TCERG1L: variants seen among roughly 807,000 people sequenced by gnomAD.
The protein encoded by TCERG1L is transcription elongation regulator 1 like.
A neutral mutation model predicts 56.3 loss-of-function variants in TCERG1L; 37 were observed. The observed-to-expected ratio is 0.66, with a 90% CI of 0.51 to 0.87. The LOEUF (loss-of-function observed/expected upper bound fraction) is 0.87. TCERG1L is among the 40% of genes least tolerant of loss of function. The probability of loss-of-function intolerance (pLI) is 0.00; values close to 1 mark genes in which losing one functional copy is unlikely to be tolerated. For missense variants in TCERG1L, 799 were observed against 774.2 expected (o/e 1.03, Z -0.38); for synonymous variants, 324 against 326.3 (o/e 0.99, Z 0.08).
intron 4 of TCERG1L, among the ~76,000 whole-genome samples, chr10:131,253,970 G>GC (rs1846141165): frequency 7.0e-6 from 1 of 143,424 alleles, no homozygotes; most frequent in Non-Finnish European, 1.6e-5. Flanking sequence ...AAAAGCAAAC[G>GC]CAACAGTGAG....
Position 131,229,281 on chromosome 10 carries a change from G to A in TCERG1L, c.856+30978C>T, listed in dbSNP as rs554249063. Reference sequence around the variant, plus strand: ...AGCCCAGGCCATTCTCCTCCGCATCGAACTGTCCAACATCAAAGCCCTTGG... The same window carrying A: ...AGCCCAGGCCATTCTCCTCCGCATCAAACTGTCCAACATCAAAGCCCTTGG... On this transcript the variant is annotated intron_variant, in intron 4 of 11. Transcript: ENST00000368642. Among the ~76,000 whole-genome samples the A allele has an allele frequency of 1.1e-4, 16 of 152,332 alleles. No individual in the cohort carries two copies. The South Asian group carries it at 2.1e-3, about 20-fold the overall frequency.
chr10:131,232,438 G>A (rs1407153756), intron 4 of TCERG1L, among the ~76,000 whole-genome samples: 4 of 152,214 alleles, frequency 2.6e-5, no homozygotes, highest in Non-Finnish European at 4.4e-5. Flanking sequence ...CTAACAGGCA[G>A]TGCACACCCC....
chr10:131,287,726 A>G (rs1846561636), intron 3 of TCERG1L, among the ~76,000 whole-genome samples: 1 of 152,214 alleles, frequency 6.6e-6, no homozygotes, highest in South Asian at 2.1e-4. Flanking sequence ...GGCATTGCAG[A>G]TACCACACAA....
At chr10:131,248,512 C>T (rs1047554010) in intron 4 of TCERG1L, among the ~76,000 whole-genome samples, 2 of 152,138 alleles carry the variant, frequency 1.3e-5, no homozygotes, top group Non-Finnish European at 2.9e-5. Context: ...ACACCTGGTG[C>T]CCAGTACCTT....
chr10:131,110,031 C>T (rs1239041182), intron 9 of TCERG1L, among the ~76,000 whole-genome samples: 4 of 152,170 alleles, frequency 2.6e-5, no homozygotes, highest in Admixed American at 6.5e-5. Context: ...CGTGTGGCAC[C>T]GTCCCAGCCC....
chr10:131,311,646 C>A lies in TCERG1L; in HGVS notation c.-11G>T, dbSNP rs1846902903. ...GGCGCCCGCCTGCATCCTACATCCCCGCGCTGACGGCGGCGGCGGGGGCGG... is the reference window on the plus strand; with the variant it reads ...GGCGCCCGCCTGCATCCTACATCCCAGCGCTGACGGCGGCGGCGGGGGCGG... On this transcript the variant is annotated 5_prime_UTR_variant, in exon 1 of 12. Transcript: ENST00000368642. The surrounding 1 kb of genome is among the most constrained non-coding windows in gnomAD (Gnocchi z 4.0). 9.0e-6 allele frequency: 10 copies of A among 1,117,024 alleles called. No homozygotes were observed. The East Asian group carries it at 4.3e-4, about 48-fold the overall frequency. The allele number at this position is 1,117,024 out of a possible 1,614,324, so 69.2% of individuals were successfully genotyped here.
chr10:131,115,344 TCATGC>T (rs1487130421), intron 9 of TCERG1L, among the ~76,000 whole-genome samples: 1 of 152,184 alleles, frequency 6.6e-6, no homozygotes, highest in Non-Finnish European at 1.5e-5. Flanking sequence ...ACAAAGACCC[TCATGC>T]CAAGAGCAGG....
intron 3 of TCERG1L, among the ~76,000 whole-genome samples, chr10:131,268,261 T>G (rs1179827387): frequency 6.6e-6 from 1 of 152,182 alleles, no homozygotes; most frequent in Non-Finnish European, 1.5e-5. Flanking sequence ...AATATTTTGA[T>G]AGGAATCTTT....
At chr10:131,116,998 C>A in intron 8 of TCERG1L, 64 bp from the exon 9 acceptor site, 44 of 1,530,348 alleles carry the variant, frequency 2.9e-5, no homozygotes, top group Non-Finnish European at 3.6e-5. Flanking sequence ...TTTATTGCAA[C>A]CTTTACAAAC....
chr10:131,130,211 C>G (rs1302608773), intron 8 of TCERG1L, among the ~76,000 whole-genome samples: 1 of 152,012 alleles, frequency 6.6e-6, no homozygotes, highest in Non-Finnish European at 1.5e-5. Flanking sequence ...TGCGTGGGAA[C>G]TCTCCTTTAT....
At chr10:131,164,882 G>A (rs552195997) in intron 5 of TCERG1L, among the ~76,000 whole-genome samples, 3 of 152,242 alleles carry the variant, frequency 2.0e-5, no homozygotes, top group South Asian at 4.2e-4. Flanking sequence ...AGCCGCCAGC[G>A]CAACATCAGC....
intron 3 of TCERG1L, among the ~76,000 whole-genome samples, chr10:131,283,564 A>C (rs1240433885): frequency 6.6e-6 from 1 of 152,208 alleles, no homozygotes; most frequent in Non-Finnish European, 1.5e-5. Flanking sequence ...TGGACCCACA[A>C]AAATTAGAGA....
chr10:131,257,049 G>GAAAGAAAGAAAGAAAGGA (rs1564827261), intron 4 of TCERG1L, among the ~76,000 whole-genome samples: 4 of 140,290 alleles, frequency 2.9e-5, no homozygotes, highest in African/African-American at 1.1e-4. Flanking sequence ...AAGAAAGAAA[G>GAAAGAAAGAAAGAAAGGA]AAAGAAAAGA....
chr10:131,108,979 T>A (rs1845382813), intron 9 of TCERG1L, among the ~76,000 whole-genome samples: 2 of 152,120 alleles, frequency 1.3e-5, no homozygotes, highest in African/African-American at 4.8e-5. Flanking sequence ...AGGCAGAGTC[T>A]TAGACAACAC....
intron 7 of TCERG1L, among the ~76,000 whole-genome samples, chr10:131,144,898 C>T (rs4751329): frequency 0.28 from 42,350 of 152,076 alleles, 6,308 homozygotes; most frequent in East Asian, 0.43. Context: ...ACAGTCCTGG[C>T]GAGCCCTGAG....
chr10:131,295,261 G>A (rs956904036), intron 3 of TCERG1L, among the ~76,000 whole-genome samples: 7 of 152,172 alleles, frequency 4.6e-5, no homozygotes, highest in South Asian at 2.1e-4. Flanking sequence ...TACTACAAAC[G>A]TCTGTGTGCA....
intron 4 of TCERG1L, among the ~76,000 whole-genome samples, chr10:131,236,206 G>C (rs1449093190): frequency 1.3e-5 from 2 of 152,184 alleles, no homozygotes; most frequent in African/African-American, 4.8e-5. Context: ...TGATCCTCCA[G>C]TCCTATATAA....
chr10:131,143,963 G>A (rs1306800116), intron 7 of TCERG1L, among the ~76,000 whole-genome samples: 1 of 152,126 alleles, frequency 6.6e-6, no homozygotes, highest in South Asian at 2.1e-4. Context: ...GTGGAATGAC[G>A]AACGTCTCAG....
intron 10 of TCERG1L, among the ~76,000 whole-genome samples, chr10:131,099,817 A>T (rs987512254): frequency 1.3e-5 from 2 of 152,206 alleles, no homozygotes; most frequent in African/African-American, 4.8e-5. Flanking sequence ...TAAATTGAGA[A>T]TATGTGCATG....
Sources: gnomAD v4.1 joint callset for allele counts (sites outside exome capture counted in the v4.1 genomes callset) on GRCh38, gnomAD v4.1.1 for gene constraint, Gnocchi (gnomAD v3.1) non-coding constraint, MANE v1.5 for transcripts, NCBI Gene and HGNC (gene_info 2026-07-23, HGNC 2026-07-21) for gene names.